Variants in NRG1 observed in about 807,000 individuals in gnomAD.
The protein encoded by NRG1 is neuregulin 1, also known as pro-neuregulin-1, membrane-bound isoform.
Under a neutral mutation model 63.8 loss-of-function variants are expected in NRG1, and 18 were observed. The observed-to-expected ratio is 0.28, with a 90% CI of 0.19 to 0.42. The LOEUF is 0.42. Among genes scored for constraint, NRG1 ranks in the 10% least tolerant of loss-of-function variants. NRG1 has a pLI of 1.00. For missense variants in NRG1, 762 were observed against 814.7 expected (o/e 0.94, Z 0.79); for synonymous variants, 302 against 301.3 (o/e 1.00, Z -0.02).
chr8:31,883,913 A>G (rs984889471), intron 1 of NRG1, among the ~76,000 whole-genome samples: 3 of 152,116 alleles, frequency 2.0e-5, no homozygotes, highest in Non-Finnish European at 2.9e-5. Context: ...TTTGGTTGGC[A>G]CTTAGAATAT....
intron 1 of NRG1, among the ~76,000 whole-genome samples, chr8:32,152,964 C>G (rs1416036041): frequency 6.6e-6 from 1 of 152,150 alleles, no homozygotes; most frequent in African/African-American, 2.4e-5. Flanking sequence ...ATACTAATAA[C>G]CACCTATAAT....
intron 1 of NRG1, among the ~76,000 whole-genome samples, chr8:32,561,054 C>T (rs1836298409): frequency 6.6e-6 from 1 of 152,170 alleles, no homozygotes; most frequent in African/African-American, 2.4e-5. Flanking sequence ...TAGAGGTCAT[C>T]TGCTCGAATC....
intron 1 of NRG1, among the ~76,000 whole-genome samples, chr8:32,270,919 T>G (rs1241360591): frequency 6.6e-6 from 1 of 152,210 alleles, no homozygotes; most frequent in Non-Finnish European, 1.5e-5. Context: ...AAAAATATTC[T>G]AATCCTCACC....
At position 32,196,943 on chromosome 8, in the gene NRG1, C is replaced by CTTTTTTTTTTTT. The variant is rs773398472; in HGVS notation, c.38-398862_38-398851dup. On this transcript the variant is annotated intron_variant, in intron 1 of 10. Coordinates refer to the NRG1 transcript ENST00000519301. ...CTACCAGGCCTGTTCTCAGAACATT[C>CTTTTTTTTTTTT]TTTTTTTTTTTTTTTTTTTTTTTTT... is the stretch of plus-strand genomic sequence containing the variant. Among the ~76,000 whole-genome samples, 78 of 27,440 alleles carry CTTTTTTTTTTTT rather than the reference C, an allele frequency of 2.8e-3. 24 individuals carry two copies. The highest frequency in any genetic ancestry group is 0.062 in the Middle Eastern group (2 of 32). The allele number at this position is 27,440 out of a possible 152,430, so 18.0% of individuals were successfully genotyped here. A position where few individuals can be genotyped will look rare whatever the true frequency, so the allele number is the denominator to read the frequency against.
chr8:31,772,651 G>A (rs969146616), intron 1 of NRG1, among the ~76,000 whole-genome samples: 2 of 152,204 alleles, frequency 1.3e-5, no homozygotes, highest in Admixed American at 6.5e-5. Flanking sequence ...CTGGGATCTG[G>A]TACTGGATTT....
At chr8:32,020,878 A>G (rs765751023) in intron 1 of NRG1, among the ~76,000 whole-genome samples, 12 of 151,928 alleles carry the variant, frequency 7.9e-5, no homozygotes, top group Non-Finnish European at 1.6e-4. Flanking sequence ...TTAAATTTTA[A>G]GCAATTTTTA....
rs151131439 is a variant in NRG1, at chr8:32,021,945, T to A, written c.37+382514T>A. On this transcript the variant is annotated intron_variant, in intron 1 of 10. Transcript: ENST00000519301. ...AACTGAGTTGCCAGATATCCATAGT[T>A]ATCAATGGCAATTTGGAGGCTCTCA... Among the ~76,000 whole-genome samples, 329 of 152,286 alleles carry A rather than the reference T, an allele frequency of 2.2e-3. 2 individuals carry two copies. Among genetic ancestry groups the A allele is most frequent in the African/African-American group, 7.6e-3 (315 of 41,566 alleles).
At chr8:31,956,184 T>C (rs897973295) in intron 1 of NRG1, among the ~76,000 whole-genome samples, 2 of 152,056 alleles carry the variant, frequency 1.3e-5, no homozygotes, top group Non-Finnish European at 2.9e-5. Context: ...TGGCCCATAA[T>C]TGTGAATTCC....
intron 1 of NRG1, among the ~76,000 whole-genome samples, chr8:31,863,402 T>C (rs900347463): frequency 3.9e-5 from 6 of 152,186 alleles, no homozygotes; most frequent in African/African-American, 9.7e-5. Context: ...AAAACTGTTT[T>C]GTTTAATGTT....
At chr8:32,127,232 G>A (rs544012773) in intron 1 of NRG1, among the ~76,000 whole-genome samples, 3 of 151,938 alleles carry the variant, frequency 2.0e-5, no homozygotes, top group African/African-American at 7.2e-5. Context: ...TCTGAACTTG[G>A]CCTTGTGGAT....
At chr8:32,065,312 C>G (rs189234227) in intron 1 of NRG1, among the ~76,000 whole-genome samples, 73 of 152,212 alleles carry the variant, frequency 4.8e-4, no homozygotes, top group African/African-American at 1.7e-3. Context: ...ATTAACTCAT[C>G]ATTTAACATT....
intron 1 of NRG1, among the ~76,000 whole-genome samples, chr8:31,694,448 A>AT (rs1324016567): frequency 6.6e-6 from 1 of 152,146 alleles, no homozygotes. Flanking sequence ...GTATATATCA[A>AT]TTTTTCTTTA....
intron 1 of NRG1, among the ~76,000 whole-genome samples, chr8:32,506,619 G>A (rs1362149587): frequency 6.6e-6 from 1 of 152,058 alleles, no homozygotes; most frequent in Non-Finnish European, 1.5e-5. Flanking sequence ...TCTTACAAAT[G>A]TTTTCTCCTG....
At chr8:32,413,924 AG>A (rs1434605959) in intron 1 of NRG1, among the ~76,000 whole-genome samples, 4 of 147,702 alleles carry the variant, frequency 2.7e-5, no homozygotes, top group Non-Finnish European at 6.1e-5. Context: ...TTTTTCTTCT[AG>A]GTTTTTTTTT....
intron 1 of NRG1, among the ~76,000 whole-genome samples, chr8:31,850,707 G>T (rs1827127742): frequency 6.6e-6 from 1 of 152,086 alleles, no homozygotes; most frequent in African/African-American, 2.4e-5. Flanking sequence ...TCACTCATCA[G>T]CTCCAGGTCA....
At chr8:32,184,300 T>C (rs1841747202) in intron 1 of NRG1, among the ~76,000 whole-genome samples, 1 of 152,214 alleles carries the variant, frequency 6.6e-6, no homozygotes, top group Non-Finnish European at 1.5e-5. Flanking sequence ...ACACTTTACT[T>C]ATAACTCCTT....
At chr8:31,780,294 TTTC>T (rs767609265) in intron 1 of NRG1, among the ~76,000 whole-genome samples, 25 of 152,234 alleles carry the variant, frequency 1.6e-4, no homozygotes, top group African/African-American at 4.6e-4. Flanking sequence ...CTTGGCATTC[TTTC>T]TTCTTCTTAT....
intron 1 of NRG1, among the ~76,000 whole-genome samples, chr8:31,761,685 T>C (rs1474819403): frequency 6.6e-6 from 1 of 152,096 alleles, no homozygotes; most frequent in Non-Finnish European, 1.5e-5. Flanking sequence ...GTGGGAGTGA[T>C]TTGTGGTGCC....
At chr8:32,612,778 C>T (rs1846591759) in intron 3 of NRG1, among the ~76,000 whole-genome samples, 1 of 151,944 alleles carries the variant, frequency 6.6e-6, no homozygotes, top group Admixed American at 6.6e-5. Flanking sequence ...GACTTCTGCC[C>T]AGCTCTAGTT....
Sources: gnomAD v4.1 joint callset for allele counts (sites outside exome capture counted in the v4.1 genomes callset) on GRCh38, gnomAD v4.1.1 for gene constraint, MANE v1.5 for transcripts, NCBI Gene and HGNC (gene_info 2026-07-23, HGNC 2026-07-21) for gene names.